RERE: variants seen among roughly 807,000 people sequenced by gnomAD.
The protein encoded by RERE is arginine-glutamic acid dipeptide repeats, also known as arginine-glutamic acid dipeptide repeats protein.
RERE carries 40 observed loss-of-function variants against 146.1 expected under a neutral mutation model. The observed-to-expected ratio is 0.27, with a 90% CI of 0.21 to 0.36. RERE has a LOEUF of 0.36. RERE is among the 10% of genes least tolerant of loss of function. The pLI, the probability that RERE is intolerant of heterozygous loss-of-function variation, is 1.00. For missense variants in RERE, 1,933 were observed against 2,138.7 expected (o/e 0.90, Z 1.90); for synonymous variants, 1,003 against 866.0 (o/e 1.16, Z -2.78).
In RERE at chr1:8,398,144, G is replaced by C. The variant is rs190936941; in HGVS notation, c.1284+24583C>G. On this transcript the variant is annotated intron_variant, in intron 12 of 22. Transcript: ENST00000400908. ...GAAGGAAATTAAGTTTAAAAATGTA[G>C]AGCATTTCCACATGGAGTAACAGAA... 2.6e-5 allele frequency among the ~76,000 whole-genome samples: 4 copies of C among 152,368 alleles called. No individual in the cohort carries two copies. The East Asian group carries it at 7.7e-4, about 29-fold the overall frequency.
At chr1:8,389,884 C>T (rs548083040) in intron 12 of RERE, among the ~76,000 whole-genome samples, 1 of 152,316 alleles carries the variant, frequency 6.6e-6, no homozygotes, top group African/African-American at 2.4e-5. Context: ...CTTCTGCAAA[C>T]AGTTCATCAC....
chr1:8,732,639 A>T (rs1468826059), intron 1 of RERE, among the ~76,000 whole-genome samples: 2 of 152,100 alleles, frequency 1.3e-5, no homozygotes, highest in Non-Finnish European at 2.9e-5. Flanking sequence ...ACAAAGAGTG[A>T]ATCTTAAACT....
intron 1 of RERE, among the ~76,000 whole-genome samples, chr1:8,700,663 C>G (rs1445961644): frequency 6.6e-6 from 1 of 152,180 alleles, no homozygotes; most frequent in African/African-American, 2.4e-5. Flanking sequence ...GGGAAACATT[C>G]TAGCCACCTT....
At chr1:8,586,632 G>A (rs888139866) in intron 4 of RERE, among the ~76,000 whole-genome samples, 2 of 152,180 alleles carry the variant, frequency 1.3e-5, no homozygotes, top group Admixed American at 6.5e-5. Flanking sequence ...TGAACTTCCT[G>A]ACTCAGACAG....
At position 8,691,532 on chromosome 1, in the gene RERE, A is replaced by C. The variant is rs527300457; in HGVS notation, c.-144-35091T>G. Among the ~76,000 whole-genome samples, 402 of 152,344 alleles carry C rather than the reference A, an allele frequency of 2.6e-3. 2 individuals are homozygous for C. Among genetic ancestry groups the C allele is most frequent in the African/African-American group, 9.2e-3 (381 of 41,574 alleles). ...TCATTCAAACATAGATCTAGGGCTC[A>C]CCAGAATAGGAGTTCTTAATGAGAG... On this transcript the variant is annotated intron_variant, in intron 1 of 22. Transcript: ENST00000400908.
At chr1:8,526,358 A>G (rs897476749) in intron 7 of RERE, among the ~76,000 whole-genome samples, 1 of 152,034 alleles carries the variant, frequency 6.6e-6, no homozygotes, top group Admixed American at 6.6e-5. Context: ...AAATAGAATC[A>G]AAAGACAGAT....
rs771807190 is a variant in RERE, at chr1:8,589,123, C to CA, written c.522+25437dup. Among the ~76,000 whole-genome samples the CA allele has an allele frequency of 6.6e-5, 10 of 151,734 alleles. No individual in the cohort carries two copies. The East Asian group carries it at 9.7e-4, about 15-fold the overall frequency. On this transcript the variant is annotated intron_variant, in intron 4 of 22. Coordinates refer to ENST00000400908, the MANE Select transcript of RERE (RefSeq NM_001042681.2). ...TGGGCAACTGAGCAGGACTCTGTCC[C>CA]AAAAAACAAACAAACAAACAAAAAC...
rs539393264 is a variant in RERE at position 8,391,685 on chromosome 1, A to G, written c.1285-25711T>C. ...TCAGCAGATTTCCATTATTGCACTT[A>G]TGAGAATTTATAATTATATATCTAA... On this transcript the variant is annotated intron_variant, in intron 12 of 22. Coordinates refer to ENST00000400908, the MANE Select transcript of RERE (RefSeq NM_001042681.2). 2.0e-5 allele frequency among the ~76,000 whole-genome samples: 3 copies of G among 152,278 alleles called. No homozygotes were observed. In the East Asian group the frequency reaches 5.8e-4, roughly 29 times the overall value.
At chr1:8,448,973 AACC>A (rs1644358599) in intron 11 of RERE, among the ~76,000 whole-genome samples, 1 of 152,194 alleles carries the variant, frequency 6.6e-6, no homozygotes, top group African/African-American at 2.4e-5. Context: ...TCACGCATGA[AACC>A]TCACACAACA....
chr1:8,446,774 C>T (rs1477817912), intron 11 of RERE, among the ~76,000 whole-genome samples: 2 of 151,998 alleles, frequency 1.3e-5, no homozygotes, highest in African/African-American at 2.4e-5. Context: ...TCCGGGTTCA[C>T]GCCATTCTCC....
chr1:8,603,938 C>CAA lies in RERE; in HGVS notation c.522+10621_522+10622dup, dbSNP rs61119278. ...TGGGTGACAAAGCGAGACCCTGTCT[C>CAA]AAAAAAAAAAAAAGAAAAGAAAAAA... is the stretch of plus-strand genomic sequence containing the variant. On this transcript the variant is annotated intron_variant, in intron 4 of 22. Transcript: ENST00000400908. Among the ~76,000 whole-genome samples, 7 of 124,920 alleles carry CAA rather than the reference C, an allele frequency of 5.6e-5. 3 individuals are homozygous for CAA. Among genetic ancestry groups the CAA allele is most frequent in the East Asian group, 4.6e-4 (2 of 4,310 alleles). 82.0% of individuals were successfully genotyped at this position (124,920 alleles called of 152,430 possible).
chr1:8,658,523 C>T (rs1638378673), intron 1 of RERE, among the ~76,000 whole-genome samples: 2 of 151,936 alleles, frequency 1.3e-5, no homozygotes, highest in Admixed American at 6.6e-5. Context: ...TTTGGGAGGC[C>T]GAGGTGGGCA....
At chr1:8,506,921 GA>G (rs1249237845) in intron 8 of RERE, among the ~76,000 whole-genome samples, 1 of 152,100 alleles carries the variant, frequency 6.6e-6, no homozygotes, top group East Asian at 1.9e-4. Context: ...AAATGTGAAG[GA>G]AAAAAGTGTA....
intron 15 of RERE, among the ~76,000 whole-genome samples, chr1:8,363,490 C>T (rs754355766): frequency 6.6e-6 from 1 of 152,178 alleles, no homozygotes; most frequent in Non-Finnish European, 1.5e-5. Context: ...TGGTCCCACC[C>T]ACCTGCCAGA....
At chr1:8,480,332 G>GT (rs1259505846) in intron 10 of RERE, among the ~76,000 whole-genome samples, 3 of 151,504 alleles carry the variant, frequency 2.0e-5, no homozygotes, top group African/African-American at 7.3e-5. Flanking sequence ...TAGAGACGGG[G>GT]TTTCACCATG....
Position 8,422,786 on chromosome 1 carries a change from T to G in RERE, c.1225A>C (p.Arg409=). ...CTGAAGAAGTTCTTCCCGTACTGCC[T>G]GAGTCCCTTAACGAAGCGTTTCTGT... is the stretch of plus-strand genomic sequence containing the variant. ...DEVKRFVKGL[R]QYGKNFFRIR... is the part of the protein sequence containing the mutation. Residue 409 remains arginine (R), a synonymous_variant, in exon 12 of 23, where the codon AGG becomes CGG. Coordinates refer to ENST00000400908, the MANE Select transcript of RERE (RefSeq NM_001042681.2). The G allele has an allele frequency of 1.2e-6, 2 of 1,613,820 alleles. No individual in the cohort carries two copies. Among genetic ancestry groups the G allele is most frequent in the African/African-American group, 2.7e-5 (2 of 75,052 alleles).
At chr1:8,620,159 G>A (rs1312913419) in intron 3 of RERE, among the ~76,000 whole-genome samples, 1 of 152,222 alleles carries the variant, frequency 6.6e-6, no homozygotes, top group Non-Finnish European at 1.5e-5. Context: ...GGCAGCAGAA[G>A]GGTTGGAGAT....
At chr1:8,401,037 CCATAT>C (rs1319884947) in intron 12 of RERE, among the ~76,000 whole-genome samples, 6 of 5,614 alleles carry the variant, frequency 1.1e-3, no homozygotes, top group African/African-American at 1.8e-3. Context: ...AAAAAAAAAA[CCATAT>C]ATATATATAT....
intron 1 of RERE, among the ~76,000 whole-genome samples, chr1:8,694,029 C>A (rs1197932547): frequency 9.6e-4 from 116 of 120,422 alleles, no homozygotes; most frequent in East Asian, 1.7e-3. Context: ...TTTTCTTTCC[C>A]AAAAAAAAAA....
Sources: gnomAD v4.1 joint callset for allele counts (sites outside exome capture counted in the v4.1 genomes callset) on GRCh38, gnomAD v4.1.1 for gene constraint, MANE v1.5 for transcripts, NCBI Gene and HGNC (gene_info 2026-07-23, HGNC 2026-07-21) for gene names.